The following ELF1 variants were observed in gnomAD, a reference collection of about 807,000 sequenced individuals.
The protein encoded by ELF1 is ETS-related transcription factor Elf-1.
ELF1 carries 24 observed loss-of-function variants against 59.9 expected under a neutral mutation model. The observed-to-expected ratio is 0.40, with a 90% CI of 0.29 to 0.56. ELF1 has a LOEUF of 0.56. Ranked by LOEUF, ELF1 falls within the 20% of genes least tolerant of loss-of-function variation. The pLI is 0.44. For synonymous variants in ELF1, 248 were observed against 266.2 expected (o/e 0.93, Z 0.67); for missense variants, 627 against 742.2 (o/e 0.84, Z 1.80).
intron 1 of ELF1, among the ~76,000 whole-genome samples, chr13:41,045,907 G>A (rs1876823538): frequency 6.6e-6 from 1 of 152,110 alleles, no homozygotes; most frequent in Non-Finnish European, 1.5e-5. Flanking sequence ...CATTATTATT[G>A]TGTGGGAGTC....
At chr13:41,005,662 G>C (rs1453379591) in intron 1 of ELF1, among the ~76,000 whole-genome samples, 2 of 151,972 alleles carry the variant, frequency 1.3e-5, no homozygotes, top group Non-Finnish European at 2.9e-5. Flanking sequence ...CTTGGCTCAT[G>C]TTATTTACTC....
Position 40,933,710 on chromosome 13 carries a change from A to C in ELF1, c.1575T>G (p.Ser525=). The C allele has an allele frequency of 6.2e-7, 1 of 1,614,272 alleles. No individual in the cohort carries two copies. Among genetic ancestry groups the C allele is most frequent in the South Asian group, 1.1e-5 (1 of 91,084 alleles). Residue 525 remains serine (S), a synonymous_variant, in exon 9 of 9, where the codon TCT becomes TCG. Coordinates refer to ENST00000239882, the MANE Select transcript of ELF1 (RefSeq NM_172373.4). ...ICNGTVSVAS[S]PSFSATAPVV... ...CAGGTGCAGTAGCACTGAAGGATGGAGAGGAAGCCACACTGACGGTTCCAT... is the reference window on the plus strand; with the variant it reads ...CAGGTGCAGTAGCACTGAAGGATGGCGAGGAAGCCACACTGACGGTTCCAT...
At chr13:41,011,489 G>C (rs1875058391) in intron 1 of ELF1, among the ~76,000 whole-genome samples, 1 of 152,092 alleles carries the variant, frequency 6.6e-6, no homozygotes, top group Non-Finnish European at 1.5e-5. Context: ...TGTTGCCCAG[G>C]TTGGAGTATA....
chr13:40,974,565 G>A (rs570108757), intron 2 of ELF1, among the ~76,000 whole-genome samples: 17 of 152,268 alleles, frequency 1.1e-4, no homozygotes, highest in Admixed American at 2.0e-4. Flanking sequence ...CACAGTGCAT[G>A]GGGCAAGATG....
At chr13:40,951,233 A>G (rs1393764603) in intron 4 of ELF1, 96 bp downstream of exon 4, 15 of 1,016,618 alleles carry the variant, frequency 1.5e-5, no homozygotes, top group Middle Eastern at 2.2e-4. Context: ...CAAAAAATAT[A>G]TAACATCATT....
intron 8 of ELF1, among the ~76,000 whole-genome samples, chr13:40,934,545 C>G (rs953306918): frequency 6.6e-6 from 1 of 151,298 alleles, no homozygotes; most frequent in African/African-American, 2.4e-5. Context: ...GTCAGCCTCC[C>G]GAGTAGCTGG....
At chr13:40,954,420 G>GCTCTCCCTTTCCCTCCTCTCC (rs1871065107) in intron 3 of ELF1, among the ~76,000 whole-genome samples, 1 of 148,258 alleles carries the variant, frequency 6.7e-6, no homozygotes, top group African/African-American at 2.5e-5. Context: ...AAAGTGTGTA[G>GCTCTCCCTTTCCCTCCTCTCC]CTCTCCCTCT....
chr13:41,055,559 A>G (rs1877253345), intron 1 of ELF1, among the ~76,000 whole-genome samples: 1 of 151,862 alleles, frequency 6.6e-6, no homozygotes, highest in Non-Finnish European at 1.5e-5. Context: ...TTATCAAACT[A>G]TGTATTGTAT....
intron 1 of ELF1, among the ~76,000 whole-genome samples, chr13:41,038,314 T>TA (rs1876468056): frequency 6.6e-6 from 1 of 151,988 alleles, no homozygotes; most frequent in African/African-American, 2.4e-5. Flanking sequence ...GCCCAGGAGT[T>TA]AGAGACCAAC....
rs1566205424 is a variant in ELF1, at chr13:41,060,920, C to CT, written c.-312_-311insA. 38 of 45,198 alleles carry CT rather than the reference C, an allele frequency of 8.4e-4. 3 individuals are homozygous for CT. Among genetic ancestry groups the CT allele is most frequent in the Admixed American group, 2.7e-3 (5 of 1,846 alleles). The allele number at this position is 45,198 out of a possible 1,614,324, so 2.8% of individuals were successfully genotyped here. A position where few individuals can be genotyped will look rare whatever the true frequency, so the allele number is the denominator to read the frequency against. ...GCGCTACTGAAGCTGCTGCTGCCGC[C>CT]GCCGCCGCCGCCGCCGCCGCCGCCG... On this transcript the variant is annotated 5_prime_UTR_variant, in exon 1 of 2. Coordinates refer to the ELF1 transcript ENST00000405737.
rs1255321280 is a variant in ELF1 at position 40,951,116 on chromosome 13, A to AT, written c.361+212dup. ...TTCTATTTGGTAAGTAATAAATTAC[A>AT]TTTTTTTGTTCCCAAAGGCTTCATT... On this transcript the variant is annotated intron_variant, in intron 4 of 8. Coordinates refer to ENST00000239882, the MANE Select transcript of ELF1 (RefSeq NM_172373.4). 3.9e-5 allele frequency among the ~76,000 whole-genome samples: 6 copies of AT among 152,310 alleles called. No individual in the cohort carries two copies. In the East Asian group the frequency reaches 9.6e-4, roughly 24 times the overall value.
At chr13:41,008,039 C>T (rs529581783) in intron 1 of ELF1, among the ~76,000 whole-genome samples, 2 of 152,116 alleles carry the variant, frequency 1.3e-5, no homozygotes, top group East Asian at 1.9e-4. Context: ...TTTAAAAAGG[C>T]GACTTCACTT....
intron 1 of ELF1, among the ~76,000 whole-genome samples, chr13:41,003,805 A>T (rs778171258): frequency 1.3e-5 from 2 of 152,174 alleles, no homozygotes; most frequent in Non-Finnish European, 2.9e-5. Flanking sequence ...ACATTTTTTA[A>T]TGGACCAATA....
At position 41,039,335 on chromosome 13, in the gene ELF1, TTA is replaced by T. The variant is rs1491413202; in HGVS notation, c.-229+21501_-229+21502del. ...AAAAATATGACAAAAAGTCCTTTTT[TTA>T]AAAAAAAAAAAAAAAAAAAACCTAT... On this transcript the variant is annotated intron_variant, in intron 1 of 1. Transcript: ENST00000405737. Among the ~76,000 whole-genome samples the T allele has an allele frequency of 4.5e-3, 636 of 141,858 alleles. 1 individual carries two copies. Among genetic ancestry groups the T allele is most frequent in the Non-Finnish European group, 6.4e-3 (420 of 65,836 alleles). 93.1% of individuals were successfully genotyped at this position (141,858 alleles called of 152,430 possible).
chr13:41,060,818 G>GCTAGACCATATGGGAAGTGCTATA (rs1877538589), intron 1 of ELF1: 3 of 228,750 alleles, frequency 1.3e-5, no homozygotes, highest in African/African-American at 7.0e-5. Context: ...GAAGTGCTAT[G>GCTAGACCATATGGGAAGTGCTATA]AGAAACTGCC....
At chr13:41,052,090 C>T (rs1443407227) in intron 1 of ELF1, among the ~76,000 whole-genome samples, 1 of 151,948 alleles carries the variant, frequency 6.6e-6, no homozygotes, top group Non-Finnish European at 1.5e-5. Flanking sequence ...CAGGTGTGCA[C>T]CACCATGCCC....
chr13:40,937,106 T>C (rs1393934804), intron 8 of ELF1, among the ~76,000 whole-genome samples: 1 of 152,220 alleles, frequency 6.6e-6, no homozygotes, highest in Non-Finnish European at 1.5e-5. Context: ...AAATAAAATA[T>C]TATTAAGTCT....
At chr13:41,042,701 T>G (rs1021113218) in intron 1 of ELF1, among the ~76,000 whole-genome samples, 1 of 152,184 alleles carries the variant, frequency 6.6e-6, no homozygotes, top group Admixed American at 6.5e-5. Context: ...CTTAATCCAG[T>G]CTATCATTGA....
At chr13:41,027,940 T>C (rs1876003813) in intron 1 of ELF1, among the ~76,000 whole-genome samples, 1 of 152,176 alleles carries the variant, frequency 6.6e-6, no homozygotes, top group African/African-American at 2.4e-5. Flanking sequence ...CAGAAGGCTG[T>C]ACACATTCTG....
Sources: allele counts gnomAD v4.1 joint callset (sites outside exome capture counted in the v4.1 genomes callset), GRCh38; gene constraint gnomAD v4.1.1; transcripts MANE v1.5; gene names NCBI Gene and HGNC (gene_info 2026-07-23, HGNC 2026-07-21).